Variants in RTTN observed in about 807,000 individuals in gnomAD.
The protein encoded by RTTN is rotatin.
RTTN carries 182 observed loss-of-function variants against 269.2 expected under a neutral mutation model. That is an observed-to-expected ratio of 0.68 (90% CI 0.60 to 0.76). RTTN has a LOEUF of 0.76. Ranked by LOEUF, RTTN falls within the 30% of genes least tolerant of loss-of-function variation. The pLI, the probability that RTTN is intolerant of heterozygous loss-of-function variation, is 0.00. For synonymous variants in RTTN, 1,006 were observed against 963.5 expected, an observed-to-expected ratio of 1.04 and a Z score of -0.82; for missense variants, 2,545 against 2,608.6, an observed-to-expected ratio of 0.98 and a Z score of 0.53.
rs1021199601 is a variant in RTTN at position 70,088,263 on chromosome 18, C to T, written c.4144-116G>A. On this transcript the variant is annotated intron_variant, in intron 30 of 48. Transcript: ENST00000640769. ...TAAAAAAATCCATTGGTTTTATGATCCTAAATTATAAGAGACACCTATAGA... is the reference window on the plus strand; with the variant it reads ...TAAAAAAATCCATTGGTTTTATGATTCTAAATTATAAGAGACACCTATAGA... 112 of 937,664 alleles carry T rather than the reference C, an allele frequency of 1.2e-4. 1 individual carries two copies. In the Middle Eastern group the frequency reaches 5.4e-3, roughly 45 times the overall value. The allele number at this position is 937,664 out of a possible 1,614,324, so 58.1% of individuals were successfully genotyped here. A position where few individuals can be genotyped will look rare whatever the true frequency, so the allele number is the denominator to read the frequency against.
chr18:70,145,532 C>A, intron 18 of RTTN, 80 bp downstream of exon 18: 3 of 1,124,756 alleles, frequency 2.7e-6, no homozygotes, highest in South Asian at 3.6e-5. Context: ...CATACACAAA[C>A]TGAAGAATGT....
chr18:70,128,685 CA>C (rs1313284752), intron 23 of RTTN, 139 bp from the exon 24 acceptor site: 11 of 639,938 alleles, frequency 1.7e-5, no homozygotes, highest in Non-Finnish European at 2.5e-5. Context: ...CTATTTTAAA[CA>C]ATTATCATAA....
chr18:70,152,916 C>T (rs759826691), intron 14 of RTTN, among the ~76,000 whole-genome samples: 1 of 152,182 alleles, frequency 6.6e-6, no homozygotes, highest in Admixed American at 6.5e-5. Flanking sequence ...TCTCACTGTA[C>T]TTAGAATACA....
intron 21 of RTTN, among the ~76,000 whole-genome samples, 190 bp downstream of exon 21, chr18:70,139,409 A>G (rs746739298): frequency 7.2e-5 from 11 of 152,218 alleles, no homozygotes; most frequent in Non-Finnish European, 1.6e-4. Flanking sequence ...TCTAGCCTCC[A>G]CTCAGCAACA....
At chr18:70,163,824 G>A (rs1253185555) in intron 14 of RTTN, among the ~76,000 whole-genome samples, 1 of 152,124 alleles carries the variant, frequency 6.6e-6, no homozygotes, top group Admixed American at 6.6e-5. Context: ...GAGCCTTTTA[G>A]ATTTTGGATT....
intron 40 of RTTN, among the ~76,000 whole-genome samples, chr18:70,036,127 G>A (rs112155785): frequency 0.036 from 5,422 of 152,224 alleles, 340 homozygotes; most frequent in African/African-American, 0.12. Context: ...CATTGGGAAG[G>A]CAGTGTGGTG....
At chr18:70,123,378 A>T (rs1244008693) in intron 25 of RTTN, among the ~76,000 whole-genome samples, 1 of 152,060 alleles carries the variant, frequency 6.6e-6, no homozygotes, top group Non-Finnish European at 1.5e-5. Context: ...GCTATTTTGA[A>T]ACATATATTA....
intron 29 of RTTN, 59 bp from the exon 30 acceptor site, chr18:70,092,279 G>A: frequency 9.2e-7 from 1 of 1,092,060 alleles, no homozygotes; most frequent in Non-Finnish European, 1.4e-6. Context: ...ATAAAATGCA[G>A]GAAGGTTAAA....
rs747799533 is a variant in RTTN at position 70,205,654 on chromosome 18, A to C, written c.5T>G (p.Val2Gly). 13 of 1,613,912 alleles carry C rather than the reference A, an allele frequency of 8.1e-6. No individual in the cohort carries two copies. The Admixed American group carries it at 1.7e-4, about 21-fold the overall frequency. M[V>G]LAGLIRKLGH... Reference sequence around the variant, plus strand: ...GAGTTTCCTGATGAGCCCTGCCAGGACCATCTCGTCCCGTCAATCTGCAGC... The same window carrying C: ...GAGTTTCCTGATGAGCCCTGCCAGGCCCATCTCGTCCCGTCAATCTGCAGC... Residue 2 changes from valine to glycine, a missense_variant, in exon 1 of 49, where the codon GTC becomes GGC. Physicochemically the swap from Val to Gly is moderately radical, Grantham distance 109. Coordinates refer to ENST00000640769, the MANE Select transcript of RTTN (RefSeq NM_173630.4).
Position 70,024,719 on chromosome 18 carries a change from T to C in RTTN, c.5950+3A>G, listed in dbSNP as rs956082408. ...ATTGAAAGGCAGTATTGGATCCTAT[T>C]ACCATTTGGAAAATTTGCAGTATAG... is the stretch of plus-strand genomic sequence containing the variant. On this transcript the variant is annotated splice_donor_region_variant and intron_variant, in intron 44 of 48. Transcript: ENST00000640769. The C allele has an allele frequency of 6.2e-7, 1 of 1,612,362 alleles. No homozygotes were observed. Among genetic ancestry groups the C allele is most frequent in the Non-Finnish European group, 8.5e-7 (1 of 1,178,584 alleles).
chr18:70,035,725 A>C (rs2057152279), intron 40 of RTTN, among the ~76,000 whole-genome samples: 1 of 152,256 alleles, frequency 6.6e-6, no homozygotes, highest in African/African-American at 2.4e-5. Context: ...TAATTAAACT[A>C]AAGCGTGTCT....
chr18:70,070,515 T>C (rs2058267306), intron 34 of RTTN, among the ~76,000 whole-genome samples: 1 of 152,220 alleles, frequency 6.6e-6, no homozygotes, highest in Non-Finnish European at 1.5e-5. Flanking sequence ...CTCTTCCTTC[T>C]ATAAAACAAT....
intron 26 of RTTN, among the ~76,000 whole-genome samples, chr18:70,115,637 A>C (rs1218141644): frequency 6.6e-6 from 1 of 152,014 alleles, no homozygotes; most frequent in Non-Finnish European, 1.5e-5. Context: ...ATAATTGTCT[A>C]AGTCTTAGAC....
rs749274899 is a variant in RTTN at position 70,048,103 on chromosome 18, G to A, written c.5409C>T (p.Thr1803=). 29 of 1,614,036 alleles carry A rather than the reference G, an allele frequency of 1.8e-5. No homozygotes were observed. In the East Asian group the frequency reaches 3.3e-4, roughly 19 times the overall value. Reference sequence around the variant, plus strand: ...CCTGGAGATGCCCTTTTGCTTCTTCGGTCAAGAGAACAGAAAGGAATTGCA... The same window carrying A: ...CCTGGAGATGCCCTTTTGCTTCTTCAGTCAAGAGAACAGAAAGGAATTGCA... The part of the protein sequence containing the change: ...ASLQFLSVLL[T]EEAKGHLQAK... The change falls in exon 40 of 49, where the codon ACC becomes ACT. Residue 1803 remains threonine, a synonymous_variant. Transcript: ENST00000640769.
At chr18:70,156,066 A>C (rs11151573) in intron 14 of RTTN, among the ~76,000 whole-genome samples, 145,820 of 152,180 alleles carry the variant, frequency 0.96, 70,191 homozygotes, top group East Asian at 1. Context: ...GAAATCTGGG[A>C]TCCTTGAAAA....
intron 22 of RTTN, 54 bp downstream of exon 22, chr18:70,135,130 G>A: frequency 1.0e-6 from 1 of 999,296 alleles, no homozygotes; most frequent in Non-Finnish European, 1.5e-6. Context: ...GATTACATCA[G>A]ATACCTGAGA....
At chr18:70,018,014 C>G (rs1347165412) in intron 45 of RTTN, among the ~76,000 whole-genome samples, 2 of 152,086 alleles carry the variant, frequency 1.3e-5, no homozygotes, top group East Asian at 3.8e-4. Flanking sequence ...GGTGATTTTG[C>G]TATTAAAAGC....
chr18:70,166,093 T>C lies in RTTN; in HGVS notation c.1898A>G (p.Glu633Gly). ...LSHPLPRVKA[E>G]TYHCCLEITK... Reference sequence around the variant, plus strand: ...GATTTCCAGACAGCAGTGGTAAGTTTCAGCTTTCACTCGTGGCAATGGGTG... The same window carrying C: ...GATTTCCAGACAGCAGTGGTAAGTTCCAGCTTTCACTCGTGGCAATGGGTG... Residue 633 changes from glutamate to glycine, a missense_variant, in exon 14 of 49, where the codon GAA becomes GGA. Coordinates refer to ENST00000640769, the MANE Select transcript of RTTN (RefSeq NM_173630.4). 3 of 1,613,900 alleles carry C rather than the reference T, an allele frequency of 1.9e-6. No individual in the cohort carries two copies. Among genetic ancestry groups the C allele is most frequent in the Non-Finnish European group, 2.5e-6 (3 of 1,179,824 alleles).
At chr18:70,033,545 T>A (rs1015426972) in intron 40 of RTTN, among the ~76,000 whole-genome samples, 2 of 152,120 alleles carry the variant, frequency 1.3e-5, no homozygotes, top group Non-Finnish European at 2.9e-5. Flanking sequence ...AATGATAACA[T>A]ACCAGAATCT....
Sources: gnomAD v4.1 joint callset for allele counts (sites outside exome capture counted in the v4.1 genomes callset) on GRCh38, gnomAD v4.1.1 for gene constraint, MANE v1.5 for transcripts, NCBI Gene and HGNC (gene_info 2026-07-23, HGNC 2026-07-21) for gene names.